CACNB2: variants seen among roughly 807,000 people sequenced by gnomAD.
The protein encoded by CACNB2 is calcium voltage-gated channel auxiliary subunit beta 2, also known as voltage-dependent L-type calcium channel subunit beta-2.
Under a neutral mutation model 73.3 loss-of-function variants are expected in CACNB2, and 42 were observed. That is an observed-to-expected ratio of 0.57 (90% CI 0.45 to 0.74). CACNB2 has a LOEUF of 0.74. Among genes scored for constraint, CACNB2 ranks in the 30% least tolerant of loss-of-function variants. The pLI is 0.00. For synonymous variants in CACNB2, 348 were observed against 310.3 expected, an observed-to-expected ratio of 1.12 and a Z score of -1.28; for missense variants, 940 against 853.0, an observed-to-expected ratio of 1.10 and a Z score of -1.27.
At chr10:18,451,849 G>A (rs2047037054) in intron 3 of CACNB2, among the ~76,000 whole-genome samples, 1 of 152,160 alleles carries the variant, frequency 6.6e-6, no homozygotes, top group Non-Finnish European at 1.5e-5. Flanking sequence ...AATGCTAGGT[G>A]CTAATGTCAT....
At chr10:18,495,234 T>G (rs899461048) in intron 3 of CACNB2, among the ~76,000 whole-genome samples, 3 of 151,798 alleles carry the variant, frequency 2.0e-5, no homozygotes, top group African/African-American at 4.8e-5. Flanking sequence ...TTTTTTTTTT[T>G]TAGATAGAGT....
chr10:18,149,056 G>C (rs2031271036), intron 1 of CACNB2, among the ~76,000 whole-genome samples: 1 of 150,004 alleles, frequency 6.7e-6, no homozygotes, highest in African/African-American at 2.5e-5. Context: ...TGTTCTCAAA[G>C]ATAATTCATG....
intron 2 of CACNB2, among the ~76,000 whole-genome samples, chr10:18,393,488 C>T (rs1200308108): frequency 6.6e-6 from 1 of 152,126 alleles, no homozygotes; most frequent in East Asian, 1.9e-4. Context: ...TTGGTGGTAA[C>T]AGCATTTTGA....
chr10:18,535,138 T>C (rs572795696), intron 11 of CACNB2, among the ~76,000 whole-genome samples: 4 of 152,212 alleles, frequency 2.6e-5, no homozygotes, highest in Non-Finnish European at 5.9e-5. Flanking sequence ...TGAACCATTA[T>C]TGTTTGTATG....
chr10:18,460,505 A>G (rs531632788), intron 3 of CACNB2, among the ~76,000 whole-genome samples: 1 of 152,248 alleles, frequency 6.6e-6, no homozygotes, highest in African/African-American at 2.4e-5. Context: ...GATGTATACA[A>G]GCCTAGAGAT....
At chr10:18,501,393 T>C (rs2050185709) in intron 5 of CACNB2, among the ~76,000 whole-genome samples, 1 of 152,210 alleles carries the variant, frequency 6.6e-6, no homozygotes, top group African/African-American at 2.4e-5. Context: ...CATTTTCACC[T>C]GAGAAACTCA....
At chr10:18,212,944 AC>A (rs1271055565) in intron 2 of CACNB2, among the ~76,000 whole-genome samples, 1 of 152,186 alleles carries the variant, frequency 6.6e-6, no homozygotes, top group African/African-American at 2.4e-5. Flanking sequence ...AATGTGTTAG[AC>A]TTTTTGCCTT....
intron 2 of CACNB2, among the ~76,000 whole-genome samples, chr10:18,163,432 G>A (rs1348143090): frequency 2.0e-5 from 3 of 152,176 alleles, no homozygotes; most frequent in South Asian, 2.1e-4. Flanking sequence ...AGAAAAGGGG[G>A]TGGTGATTCT....
chr10:18,293,897 A>G (rs903933033), intron 2 of CACNB2, among the ~76,000 whole-genome samples: 1 of 152,174 alleles, frequency 6.6e-6, no homozygotes, highest in Non-Finnish European at 1.5e-5. Flanking sequence ...TGAAATGTTG[A>G]TCATTGCTTC....
intron 9 of CACNB2, among the ~76,000 whole-genome samples, chr10:18,521,326 A>G (rs2051859281): frequency 6.6e-6 from 1 of 152,256 alleles, no homozygotes; most frequent in Non-Finnish European, 1.5e-5. Flanking sequence ...AATGGATTAC[A>G]GGGAAGAGAA....
At chr10:18,323,985 C>A (rs954075897) in intron 2 of CACNB2, among the ~76,000 whole-genome samples, 2 of 152,118 alleles carry the variant, frequency 1.3e-5, no homozygotes, top group Non-Finnish European at 2.9e-5. Context: ...TGATGTACAA[C>A]AGATAAAACA....
At chr10:18,283,502 G>A (rs1242360137) in intron 2 of CACNB2, among the ~76,000 whole-genome samples, 1 of 152,118 alleles carries the variant, frequency 6.6e-6, no homozygotes, top group Non-Finnish European at 1.5e-5. Flanking sequence ...AAAAAAGGAT[G>A]AGTTCATGTC....
chr10:18,483,375 A>G (rs2048887808), intron 3 of CACNB2, among the ~76,000 whole-genome samples: 1 of 152,024 alleles, frequency 6.6e-6, no homozygotes, highest in Non-Finnish European at 1.5e-5. Context: ...TACTAAAAAT[A>G]CAAAAATTAG....
intron 2 of CACNB2, among the ~76,000 whole-genome samples, chr10:18,392,526 C>A (rs2043526308): frequency 1.3e-5 from 2 of 152,072 alleles, no homozygotes; most frequent in South Asian, 2.1e-4. Flanking sequence ...GCAGAGCCAA[C>A]TTTTTCTATG....
chr10:18,152,744 A>AAAAC (rs1554760499), intron 2 of CACNB2, among the ~76,000 whole-genome samples: 3 of 138,086 alleles, frequency 2.2e-5, no homozygotes, highest in East Asian at 3.2e-4. Flanking sequence ...AAAAAACAAA[A>AAAAC]CACTAGCTCC....
At chr10:18,223,901 T>C (rs1043701712) in intron 2 of CACNB2, among the ~76,000 whole-genome samples, 1 of 152,096 alleles carries the variant, frequency 6.6e-6, no homozygotes, top group African/African-American at 2.4e-5. Flanking sequence ...ATGGGAACTC[T>C]TCCATCTAGT....
intron 2 of CACNB2, among the ~76,000 whole-genome samples, chr10:18,285,407 G>A (rs2038744184): frequency 6.6e-6 from 1 of 152,314 alleles, no homozygotes; most frequent in African/African-American, 2.4e-5. Context: ...ATGTTTTTCT[G>A]TGGTCACCAT....
intron 2 of CACNB2, among the ~76,000 whole-genome samples, chr10:18,207,135 A>T (rs1209781271): frequency 1.3e-5 from 2 of 152,102 alleles, no homozygotes; most frequent in Non-Finnish European, 2.9e-5. Flanking sequence ...CAGCCTCCCT[A>T]GTAGCTCAGA....
intron 2 of CACNB2, among the ~76,000 whole-genome samples, chr10:18,368,724 C>T (rs1417224486): frequency 6.6e-6 from 1 of 151,972 alleles, no homozygotes; most frequent in Non-Finnish European, 1.5e-5. Flanking sequence ...TTAATTAACC[C>T]TCATGTGTTT....
Sources: gnomAD v4.1 joint callset for allele counts (sites outside exome capture counted in the v4.1 genomes callset) on GRCh38, gnomAD v4.1.1 for gene constraint, MANE v1.5 for transcripts, NCBI Gene and HGNC (gene_info 2026-07-23, HGNC 2026-07-21) for gene names.